The following CAPN1 variants were observed in gnomAD, a reference collection of about 807,000 sequenced individuals.
CAPN1 encodes calpain-1 catalytic subunit.
A neutral mutation model predicts 105.2 loss-of-function variants in CAPN1; 77 were observed. The ratio of observed to expected loss-of-function variants is 0.73; its 90% CI spans 0.61 to 0.88. CAPN1 has a LOEUF of 0.88. Ranked by LOEUF, CAPN1 falls within the 40% of genes least tolerant of loss-of-function variation. The pLI is 0.00. For synonymous variants in CAPN1, 355 were observed against 388.8 expected, an observed-to-expected ratio of 0.91 and a Z score of 1.02; for missense variants, 833 against 976.6, an observed-to-expected ratio of 0.85 and a Z score of 1.96.
intron 10 of CAPN1, among the ~76,000 whole-genome samples, chr11:65,189,607 C>T (rs1948691188): frequency 6.6e-6 from 1 of 152,202 alleles, no homozygotes; most frequent in Admixed American, 6.5e-5. Context: ...ATCTTGCCTT[C>T]TCTCCTTACC....
intron 3 of CAPN1, 61 bp downstream of exon 3, chr11:65,183,258 C>A: frequency 6.7e-7 from 1 of 1,482,024 alleles, no homozygotes; most frequent in Non-Finnish European, 9.4e-7. Flanking sequence ...CATTCCCGCT[C>A]CTTCAGGCTC....
Position 65,183,127 on chromosome 11 carries a change from G to T in CAPN1, c.268-1G>T, listed in dbSNP as rs776694688. ...GGAACAGGACTCTGGGTCTCTCGTA[G>T]GAACTGCTGTCAAACCCCCAGTTCA... On this transcript the variant is annotated splice_acceptor_variant, in intron 2 of 21. Transcript: ENST00000279247. LOFTEE classifies it high-confidence loss of function. 1 of 1,613,888 alleles carries T rather than the reference G, an allele frequency of 6.2e-7. No individual in the cohort carries two copies.
At chr11:65,205,797 C>T in intron 12 of CAPN1, 76 bp downstream of exon 12, 1 of 1,372,810 alleles carries the variant, frequency 7.3e-7, no homozygotes, top group Non-Finnish European at 1.0e-6. Flanking sequence ...AGTGGCAAAC[C>T]CACCCTGGCC....
At chr11:65,187,897 A>AG in intron 7 of CAPN1, 58 bp from the exon 8 acceptor site, 1 of 1,251,446 alleles carries the variant, frequency 8.0e-7, no homozygotes, top group Non-Finnish European at 1.1e-6. Context: ...GTCTCAAAAA[A>AG]GAAAAAAAAA....
rs1158999147 is a variant in CAPN1, at chr11:65,182,846, T to C, written c.145T>C (p.Cys49Arg). The C allele has an allele frequency of 6.3e-7, 1 of 1,599,730 alleles. No homozygotes were observed. Among genetic ancestry groups the C allele is most frequent in the African/African-American group, 1.3e-5 (1 of 74,662 alleles). The change falls in exon 2 of 22, where the codon TGC (cysteine) becomes CGC (arginine). Residue 49 changes from cysteine (C) to arginine (R), a missense_variant. Cys to Arg is a radical substitution (Grantham distance 180, BLOSUM62 -3). Transcript: ENST00000279247. ...GGATTATGAGCAGCTGCGGGTGCGA[T>C]GCCTGCAGAGTGGGACCCTCTTCCG... ...GQDYEQLRVR[C>R]LQSGTLFRDE...
chr11:65,206,585 G>C lies in CAPN1; in HGVS notation c.1476G>C (p.Gly492=). 1 of 1,613,502 alleles carries C rather than the reference G, an allele frequency of 6.2e-7. No homozygotes were observed. ...EVSTRFRLPP[G]EYVVVPSTFE... is the part of the protein sequence containing the mutation. ...GCACCCGCTTCCGCCTGCCACCCGG[G>C]GAGTATGTGGTGGTGCCCTCCACCT... Residue 492 remains glycine (G), a synonymous_variant, in exon 13 of 22, where the codon GGG becomes GGC. Transcript: ENST00000279247.
intron 10 of CAPN1, among the ~76,000 whole-genome samples, chr11:65,189,869 C>T (rs1251413695): frequency 5.3e-5 from 8 of 152,198 alleles, no homozygotes; most frequent in African/African-American, 1.7e-4. Context: ...CTCGATATCT[C>T]CCCACTGTTA....
Position 65,209,197 on chromosome 11 carries a change from C to A in CAPN1, c.1730-126C>A. 2 of 706,166 alleles carry A rather than the reference C, an allele frequency of 2.8e-6. No homozygotes were observed. Among genetic ancestry groups the A allele is most frequent in the Non-Finnish European group, 2.6e-6 (1 of 388,196 alleles). The allele number at this position is 706,166 out of a possible 1,614,324, so 43.7% of individuals were successfully genotyped here. On this transcript the variant is annotated intron_variant, in intron 16 of 21. Transcript: ENST00000279247. The surrounding 1 kb of genome is among the most constrained non-coding windows in gnomAD (Gnocchi z 4.1). ...ATACAAACAATCCTGCCCACTTCCT[C>A]TGCCAGATATTGCACCCACTCGTCA...
chr11:65,192,984 CTTT>C (rs769999096), intron 10 of CAPN1, among the ~76,000 whole-genome samples: 2 of 140,988 alleles, frequency 1.4e-5, no homozygotes. Context: ...TTAATATACT[CTTT>C]TTTTTTTTTT....
At position 65,210,445 on chromosome 11, in the gene CAPN1, C is replaced by G. The variant is rs1425930444; in HGVS notation, c.2052C>G (p.Thr684=). ...NFVCCLVRLE[T]MFRFFKTLDT... ...TTTGCTGCCTGGTGCGGCTAGAGAC[C>G]ATGTTCCGTGAGTGTCCCCAACTGC... is the stretch of plus-strand genomic sequence containing the variant. Residue 684 remains threonine (T), a synonymous_variant, in exon 20 of 22, where the codon ACC becomes ACG. Transcript: ENST00000279247. This position sits in a 1 kb window ranked among gnomAD's most constrained non-coding sequence, Gnocchi z 4.3. The G allele has an allele frequency of 6.2e-7, 1 of 1,605,472 alleles. No individual in the cohort carries two copies. The highest frequency in any genetic ancestry group is 8.5e-7 in the Non-Finnish European group (1 of 1,173,748).
chr11:65,181,686 C>G (rs774906437), upstream of CAPN1: 11 of 324,486 alleles, frequency 3.4e-5, no homozygotes, highest in South Asian at 2.1e-4. The surrounding 1 kb of genome is among the most constrained non-coding windows in gnomAD (Gnocchi z 4.6). Context: ...CATCCCCCCC[C>G]GCGCTGGCCC....
chr11:65,196,440 G>T (rs532366312), intron 10 of CAPN1, among the ~76,000 whole-genome samples: 4 of 152,072 alleles, frequency 2.6e-5, no homozygotes, highest in African/African-American at 9.6e-5. Flanking sequence ...GATCAAATCA[G>T]GGTAATTGGG....
intron 10 of CAPN1, among the ~76,000 whole-genome samples, chr11:65,201,813 C>T (rs1452259299): frequency 4.0e-5 from 6 of 148,870 alleles, no homozygotes; most frequent in Admixed American, 1.3e-4. Context: ...CCACCGCGCC[C>T]GGCTTTTGTT....
rs1948998554 is a variant in CAPN1, at chr11:65,208,565, C to T, written c.1729+303C>T. 2.1e-6 allele frequency: 1 copy of T among 479,198 alleles called. No homozygotes were observed. Among genetic ancestry groups the T allele is most frequent in the Non-Finnish European group, 3.8e-6 (1 of 259,878 alleles). 29.7% of individuals were successfully genotyped at this position (479,198 alleles called of 1,614,324 possible). On this transcript the variant is annotated intron_variant, in intron 16 of 21. Coordinates refer to ENST00000279247, the MANE Select transcript of CAPN1 (RefSeq NM_005186.4). The surrounding 1 kb of genome is among the most constrained non-coding windows in gnomAD (Gnocchi z 4.1). ...GAGGCCGAGGCAGGAGTCGCTTCAG[C>T]CCAGGAGTTCAACACCAGCCTGGAC...
intron 14 of CAPN1, 150 bp downstream of exon 14, chr11:65,206,969 T>C (rs1319346797): frequency 5.6e-6 from 4 of 710,250 alleles, no homozygotes; most frequent in South Asian, 3.6e-5. Flanking sequence ...TAATCCCTCA[T>C]CCGCCCAGCA....
rs751299219 is a variant in CAPN1 at position 65,211,242 on chromosome 11, C to T, written c.2119-18C>T. ...AGCCATTTCTGCGGCCCCAGCTGAC[C>T]TGCCTGTTCTCCCGCAGTGGTTGCA... On this transcript the variant is annotated intron_variant, in intron 21 of 21. Transcript: ENST00000279247. 1 of 1,612,576 alleles carries T rather than the reference C, an allele frequency of 6.2e-7. No individual in the cohort carries two copies. Among genetic ancestry groups the T allele is most frequent in the South Asian group, 1.1e-5 (1 of 90,990 alleles).
At chr11:65,185,793 T>C in intron 4 of CAPN1, 124 bp from the exon 5 acceptor site, 1 of 976,732 alleles carries the variant, frequency 1.0e-6, no homozygotes, top group Non-Finnish European at 1.5e-6. Flanking sequence ...TTACATGATT[T>C]AGTCTATGTG....
In CAPN1 at chr11:65,204,750, G is replaced by A. The variant is rs1565416041; in HGVS notation, c.1233G>A (p.Gly411=). 4 of 1,613,072 alleles carry A rather than the reference G, an allele frequency of 2.5e-6. No homozygotes were observed. The highest frequency in any genetic ancestry group is 2.2e-5 in the East Asian group (1 of 44,890). ...AGACGGATGACCCGGACGACTACGG[G>A]GACCGCGAGTCAGGCTGCAGCTTCG... ...LDETDDPDDY[G]DRESGCSFVL... is the part of the protein sequence containing the mutation. The change falls in exon 11 of 22, where the codon GGG becomes GGA. Residue 411 remains glycine, a synonymous_variant. Coordinates refer to ENST00000279247, the MANE Select transcript of CAPN1 (RefSeq NM_005186.4).
At chr11:65,203,803 AT>A (rs1391567782) in intron 10 of CAPN1, among the ~76,000 whole-genome samples, 2 of 152,078 alleles carry the variant, frequency 1.3e-5, no homozygotes, top group African/African-American at 2.4e-5. Flanking sequence ...CAGCTGCAAC[AT>A]TTTACATTCC....
Sources: allele counts gnomAD v4.1 joint callset (sites outside exome capture counted in the v4.1 genomes callset), GRCh38; gene constraint gnomAD v4.1.1; non-coding constraint Gnocchi (gnomAD v3.1); transcripts MANE v1.5; gene names NCBI Gene and HGNC (gene_info 2026-07-23, HGNC 2026-07-21).